ARHGAP32: variants seen among roughly 807,000 people sequenced by gnomAD.
The protein encoded by ARHGAP32 is Rho GTPase activating protein 32, also known as rho GTPase-activating protein 32.
ARHGAP32 carries 51 observed loss-of-function variants against 186.5 expected under a neutral mutation model. The ratio of observed to expected loss-of-function variants is 0.27; its 90% CI spans 0.22 to 0.35. ARHGAP32 has a LOEUF of 0.35. ARHGAP32 is among the 10% of genes least tolerant of loss of function. The pLI, the probability that ARHGAP32 is intolerant of heterozygous loss-of-function variation, is 1.00. For synonymous variants in ARHGAP32, 950 were observed against 964.3 expected, an observed-to-expected ratio of 0.99 and a Z score of 0.27; for missense variants, 2,186 against 2,623.5, an observed-to-expected ratio of 0.83 and a Z score of 3.64.
intron 12 of ARHGAP32, among the ~76,000 whole-genome samples, chr11:128,997,901 AC>A (rs1343154187): frequency 1.3e-5 from 2 of 152,152 alleles, no homozygotes; most frequent in African/African-American, 2.4e-5. Flanking sequence ...CTCTTTAAAA[AC>A]AAAAAAAATT....
intron 1 of ARHGAP32, among the ~76,000 whole-genome samples, chr11:129,215,396 C>T (rs190669768): frequency 6.6e-6 from 1 of 152,188 alleles, no homozygotes; most frequent in East Asian, 1.9e-4. Flanking sequence ...TATTAGTTTC[C>T]AATTGCTGTT....
At chr11:129,104,603 C>G (rs1941998093) in intron 5 of ARHGAP32, among the ~76,000 whole-genome samples, 1 of 150,500 alleles carries the variant, frequency 6.6e-6, no homozygotes, top group African/African-American at 2.4e-5. Flanking sequence ...ATTAATCTCT[C>G]TAGGAAGAAA....
At chr11:129,173,085 A>C (rs1446210999) in intron 1 of ARHGAP32, among the ~76,000 whole-genome samples, 1 of 151,998 alleles carries the variant, frequency 6.6e-6, no homozygotes, top group Non-Finnish European at 1.5e-5. Flanking sequence ...ACTAACAAAG[A>C]AGAGAGAGAA....
At chr11:129,272,126 C>T (rs1265525971) in intron 1 of ARHGAP32, among the ~76,000 whole-genome samples, 2 of 151,614 alleles carry the variant, frequency 1.3e-5, no homozygotes, top group Non-Finnish European at 2.9e-5. Flanking sequence ...CAAAAGGAAA[C>T]AAAAAAAGGA....
At chr11:129,021,165 G>A (rs752991192) in intron 11 of ARHGAP32, among the ~76,000 whole-genome samples, 1 of 151,978 alleles carries the variant, frequency 6.6e-6, no homozygotes, top group Non-Finnish European at 1.5e-5. Flanking sequence ...GAGAAGAGTA[G>A]ACATTTCAAA....
intron 6 of ARHGAP32, among the ~76,000 whole-genome samples, chr11:129,070,701 CGTT>C (rs1352203696): frequency 2.0e-5 from 3 of 151,750 alleles, no homozygotes; most frequent in Non-Finnish European, 4.4e-5. Context: ...AGTCTAAAAT[CGTT>C]GTGAAATGAA....
chr11:129,078,524 A>G (rs1941117643), intron 6 of ARHGAP32, among the ~76,000 whole-genome samples: 1 of 152,060 alleles, frequency 6.6e-6, no homozygotes, highest in South Asian at 2.1e-4. Flanking sequence ...ACAGAGTCTC[A>G]CTCTGTCACC....
At chr11:129,081,569 T>C (rs559751385) in intron 6 of ARHGAP32, among the ~76,000 whole-genome samples, 1 of 152,066 alleles carries the variant, frequency 6.6e-6, no homozygotes, top group South Asian at 2.1e-4. Flanking sequence ...GCTTTATGAT[T>C]AAAACCCTCA....
At chr11:129,016,436 T>C (rs759113629) in intron 11 of ARHGAP32, among the ~76,000 whole-genome samples, 2 of 152,212 alleles carry the variant, frequency 1.3e-5, no homozygotes, top group Non-Finnish European at 2.9e-5. Context: ...TGCTTTTTCA[T>C]GTTTTTTAGG....
intron 2 of ARHGAP32, among the ~76,000 whole-genome samples, chr11:129,155,759 T>C (rs973435181): frequency 1.3e-5 from 2 of 151,040 alleles, no homozygotes; most frequent in African/African-American, 4.9e-5. Context: ...AAAGAGTTGA[T>C]TGAGGACACT....
At chr11:129,176,053 C>T (rs1219499485) in intron 1 of ARHGAP32, among the ~76,000 whole-genome samples, 2 of 64,618 alleles carry the variant, frequency 3.1e-5, no homozygotes, top group Admixed American at 1.5e-4. Context: ...ACCCATCTCA[C>T]GTGCAGAGAC....
At chr11:129,181,066 C>G (rs960291457) in intron 1 of ARHGAP32, among the ~76,000 whole-genome samples, 1 of 152,112 alleles carries the variant, frequency 6.6e-6, no homozygotes, top group Admixed American at 6.6e-5. Flanking sequence ...ACCTCAGGGA[C>G]TGTTCACTCC....
rs1048830510 is a variant in ARHGAP32, at chr11:128,967,097, A to C, written c.*1810T>G. On this transcript the variant is annotated 3_prime_UTR_variant, in exon 23 of 23. Coordinates refer to ENST00000682385, the MANE Select transcript of ARHGAP32 (RefSeq NM_001378024.1). ...TACTGCATCCCTCCAATGAATTCTA[A>C]GGGAACAAAAGAAAACCTTATAGAA... The C allele has an allele frequency of 6.6e-6, 1 of 152,226 alleles. No individual in the cohort carries two copies. The highest frequency in any genetic ancestry group is 1.5e-5 in the Non-Finnish European group (1 of 68,046). 9.4% of individuals were successfully genotyped at this position (152,226 alleles called of 1,614,324 possible).
intron 5 of ARHGAP32, among the ~76,000 whole-genome samples, chr11:129,107,639 C>G (rs1942084775): frequency 6.6e-6 from 1 of 152,102 alleles, no homozygotes; most frequent in South Asian, 2.1e-4. Flanking sequence ...GAGGCCACAG[C>G]AGGCGGATCG....
In ARHGAP32 at chr11:128,998,454, C is replaced by G; in HGVS notation, c.1060G>C (p.Gly354Arg). Reference protein sequence around the residue: ...SVPKPVSKKHGKLITFLRTFM... With the variant: ...SVPKPVSKKHRKLITFLRTFM... ...GTTCGTAAGAACGTAATGAGCTTGC[C>G]GTGCTTTTTAGACACTAAAAATCAA... is the stretch of plus-strand genomic sequence containing the variant. The change falls in exon 12 of 23, where the codon GGC becomes CGC. Residue 354 changes from glycine (G) to arginine (R), a missense_variant. Gly to Arg is a moderately radical substitution (Grantham distance 125, BLOSUM62 -2). Coordinates refer to ENST00000682385, the MANE Select transcript of ARHGAP32 (RefSeq NM_001378024.1). 1 of 1,550,240 alleles carries G rather than the reference C, an allele frequency of 6.5e-7. No individual in the cohort carries two copies.
In ARHGAP32 at chr11:129,192,300, C is replaced by T; in HGVS notation, c.-102G>A. 1.3e-6 allele frequency: 1 copy of T among 787,686 alleles called. No individual in the cohort carries two copies. The highest frequency in any genetic ancestry group is 2.2e-6 in the Non-Finnish European group (1 of 464,624). The allele number at this position is 787,686 out of a possible 1,614,324, so 48.8% of individuals were successfully genotyped here. ...TACTCATGTATACTCAGATGTGTGTCTGGTGCCCTAGTGACAGGTACTGGT... is the reference window on the plus strand; with the variant it reads ...TACTCATGTATACTCAGATGTGTGTTTGGTGCCCTAGTGACAGGTACTGGT... On this transcript the variant is annotated 5_prime_UTR_variant, in exon 1 of 23. Transcript: ENST00000682385.
At chr11:129,263,366 A>T (rs954356047) in intron 1 of ARHGAP32, among the ~76,000 whole-genome samples, 1 of 152,182 alleles carries the variant, frequency 6.6e-6, no homozygotes, top group Non-Finnish European at 1.5e-5. Context: ...ATATGTAAAG[A>T]ACTCCTACAA....
chr11:129,021,279 A>G (rs919412813), intron 11 of ARHGAP32, among the ~76,000 whole-genome samples: 2 of 152,064 alleles, frequency 1.3e-5, no homozygotes, highest in Non-Finnish European at 2.9e-5. Context: ...AGAGGTAACA[A>G]CAATTCACTG....
At chr11:129,180,888 T>C (rs190283353) in intron 1 of ARHGAP32, among the ~76,000 whole-genome samples, 18 of 152,286 alleles carry the variant, frequency 1.2e-4, no homozygotes, top group Admixed American at 5.9e-4. Flanking sequence ...ATCTTGCTGT[T>C]TCCCTCACTA....
Sources: gnomAD v4.1 joint callset for allele counts (sites outside exome capture counted in the v4.1 genomes callset) on GRCh38, gnomAD v4.1.1 for gene constraint, MANE v1.5 for transcripts, NCBI Gene and HGNC (gene_info 2026-07-23, HGNC 2026-07-21) for gene names.